CACNA1G: variants seen among roughly 807,000 people sequenced by gnomAD.
CACNA1G encodes voltage-dependent T-type calcium channel subunit alpha-1G.
In CACNA1G, 67 loss-of-function variants were observed where a neutral mutation model predicts 219.4. The observed-to-expected ratio is 0.31, with a 90% CI of 0.25 to 0.37. CACNA1G has a LOEUF of 0.37. Among genes scored for constraint, CACNA1G ranks in the 10% least tolerant of loss-of-function variants. The pLI is 1.00. For synonymous variants in CACNA1G, 1,296 were observed against 1,345.3 expected (o/e 0.96, Z 0.80); for missense variants, 2,380 against 3,231.4 (o/e 0.74, Z 6.39).
At position 50,607,864 on chromosome 17, in the gene CACNA1G, TC is replaced by T. The variant is rs1173187834; in HGVS notation, c.4551del (p.Phe1517LeufsTer13). The T allele has an allele frequency of 6.2e-7, 1 of 1,614,030 alleles. No homozygotes were observed. Among genetic ancestry groups the T allele is most frequent in the Non-Finnish European group, 8.5e-7 (1 of 1,179,908 alleles). ...MNHNPWMLLY[F>X]ISFLLIVAFF... The stretch of plus-strand genomic sequence containing the variant: ...CACAACCCCTGGATGCTGCTGTACT[TC>T]ATCTCGTTCCTGCTCATTGTGGCCT... On this transcript the variant is annotated frameshift_variant, in exon 25 of 38. Transcript: ENST00000359106. LOFTEE classifies it high-confidence loss of function.
intron 9 of CACNA1G, among the ~76,000 whole-genome samples, chr17:50,581,033 G>A (rs1246071160): frequency 8.6e-5 from 13 of 151,260 alleles, no homozygotes; most frequent in Non-Finnish European, 1.8e-4. Flanking sequence ...GGGGAATGGG[G>A]ACACAGAGGG....
chr17:50,602,779 G>GGGCTTCCT (rs1325545653), intron 19 of CACNA1G, 41 bp from the exon 20 acceptor site: 1 of 1,598,236 alleles, frequency 6.3e-7, no homozygotes, highest in Non-Finnish European at 8.6e-7. Flanking sequence ...CCAAGGGTGG[G>GGGCTTCCT]GGCTTCCTGG....
chr17:50,624,178 G>A (rs771654997), intron 36 of CACNA1G, 103 bp downstream of exon 36: 28 of 1,435,676 alleles, frequency 2.0e-5, no homozygotes, highest in Middle Eastern at 2.2e-4. Context: ...CAGCCAAAGA[G>A]GTATCTCTGA....
rs537502515 is a variant in CACNA1G at position 50,597,000 on chromosome 17, C to T, written c.3258+77C>T. 130 of 1,340,760 alleles carry T rather than the reference C, an allele frequency of 9.7e-5. 3 individuals are homozygous for T. Among genetic ancestry groups the T allele is most frequent in the East Asian group, 8.4e-4 (33 of 39,468 alleles). 83.1% of individuals were successfully genotyped at this position (1,340,760 alleles called of 1,614,324 possible). On this transcript the variant is annotated intron_variant, in intron 16 of 37. Coordinates refer to ENST00000359106, the MANE Select transcript of CACNA1G (RefSeq NM_018896.5). The surrounding 1 kb of genome is among the most constrained non-coding windows in gnomAD (Gnocchi z 4.8). Reference sequence around the variant, plus strand: ...AGGAGGAAGAGAGGATGGAGGCAGGCGGGTCCAAGGGCACAGCCCCTGCCC... The same window carrying T: ...AGGAGGAAGAGAGGATGGAGGCAGGTGGGTCCAAGGGCACAGCCCCTGCCC...
Position 50,616,277 on chromosome 17 carries a change from T to A in CACNA1G, c.4914T>A (p.Ile1638=). The A allele has an allele frequency of 6.2e-7, 1 of 1,607,398 alleles. No individual in the cohort carries two copies. The highest frequency in any genetic ancestry group is 8.5e-7 in the Non-Finnish European group (1 of 1,173,956). Residue 1638 remains isoleucine, a splice_region_variant and synonymous_variant, in exon 28 of 38, where the codon ATT becomes ATA. Transcript: ENST00000359106. ...MAMEHYQQPQ[I]LDEALKICNY... ...CATCTTGCCCCCATCCCTGCCAGAT[T>A]CTGGATGAGGCTCTGAAGATCTGCA...
In CACNA1G at chr17:50,575,995, G is replaced by T; in HGVS notation, c.1593G>T (p.Arg531=). Residue 531 remains arginine (R), a synonymous_variant, in exon 8 of 38, where the codon CGG becomes CGT. Coordinates refer to ENST00000359106, the MANE Select transcript of CACNA1G (RefSeq NM_018896.5). ...ACAGGGATGCCAATGGGTCCCGCCG[G>T]CTCATGCTGCCACCACCCTCGACGC... ...IQDRDANGSR[R]LMLPPPSTPA... is the part of the protein sequence containing the mutation. The T allele has an allele frequency of 6.4e-7, 1 of 1,554,886 alleles. No homozygotes were observed. The highest frequency in any genetic ancestry group is 8.7e-7 in the Non-Finnish European group (1 of 1,149,716).
Position 50,575,982 on chromosome 17 carries a change from A to G in CACNA1G, c.1580A>G (p.Asn527Ser), listed in dbSNP as rs191277623. ...CCGGAGATCCAGGACAGGGATGCCA[A>G]TGGGTCCCGCCGGCTCATGCTGCCA... ...ASPEIQDRDA[N>S]GSRRLMLPPP... is the part of the protein sequence containing the mutation. The change falls in exon 8 of 38, where the codon AAT (asparagine) becomes AGT (serine). Residue 527 changes from asparagine (N) to serine (S), a missense_variant. Coordinates refer to ENST00000359106, the MANE Select transcript of CACNA1G (RefSeq NM_018896.5). 3 of 1,553,154 alleles carry G rather than the reference A, an allele frequency of 1.9e-6. No homozygotes were observed. The highest frequency in any genetic ancestry group is 1.4e-5 in the African/African-American group (1 of 73,254).
intron 1 of CACNA1G, 43 bp from the exon 2 acceptor site, chr17:50,568,827 C>T (rs2144620913): frequency 3.9e-6 from 6 of 1,547,298 alleles, no homozygotes; most frequent in Non-Finnish European, 5.4e-6. Context: ...GGGGGCCGGC[C>T]TCAGCTCCAG....
intron 26 of CACNA1G, among the ~76,000 whole-genome samples, chr17:50,614,805 C>T (rs994918245): frequency 2.6e-5 from 4 of 152,238 alleles, no homozygotes; most frequent in Admixed American, 1.3e-4. Flanking sequence ...GCCCAGGCCC[C>T]GCCTTCTGGA....
intron 36 of CACNA1G, 118 bp downstream of exon 36, chr17:50,624,193 A>AG: frequency 7.4e-7 from 1 of 1,351,300 alleles, no homozygotes; most frequent in Non-Finnish European, 1.0e-6. Flanking sequence ...CTCTGACCTC[A>AG]GGGGAGCCTC....
intron 7 of CACNA1G, among the ~76,000 whole-genome samples, chr17:50,574,969 G>T (rs539895338): frequency 2.0e-5 from 3 of 152,104 alleles, no homozygotes; most frequent in Non-Finnish European, 4.4e-5. Flanking sequence ...CAAGGCCAAT[G>T]GTCCCTGTTT....
At chr17:50,567,287 T>C (rs1312508937) in intron 1 of CACNA1G, among the ~76,000 whole-genome samples, 1 of 152,162 alleles carries the variant, frequency 6.6e-6, no homozygotes. Context: ...TTAGGGAAAC[T>C]GCAGTGCATT....
At chr17:50,610,294 G>A (rs556703076) in intron 26 of CACNA1G, among the ~76,000 whole-genome samples, 31 of 152,302 alleles carry the variant, frequency 2.0e-4, no homozygotes, top group African/African-American at 7.5e-4. Flanking sequence ...TTTGTCTGAG[G>A]GGAGACTTTG....
At position 50,599,875 on chromosome 17, in the gene CACNA1G, GCA is replaced by G. The variant is rs1286555051; in HGVS notation, c.3690+19_3690+20del. 1.3e-6 allele frequency: 2 copies of G among 1,599,040 alleles called. No homozygotes were observed. The highest frequency in any genetic ancestry group is 1.3e-5 in the African/African-American group (1 of 74,848). The stretch of plus-strand genomic sequence containing the variant: ...GGGCAACCTGGTGAGGCCCCTGTGG[GCA>G]CAGTGACCCCTCACCCCTGACCTTG... On this transcript the variant is annotated intron_variant, in intron 17 of 37. Transcript: ENST00000359106.
Position 50,575,813 on chromosome 17 carries a change from C to A in CACNA1G, c.1411C>A (p.Leu471Ile). 2 of 1,551,442 alleles carry A rather than the reference C, an allele frequency of 1.3e-6. No individual in the cohort carries two copies. Among genetic ancestry groups the A allele is most frequent in the Non-Finnish European group, 1.7e-6 (2 of 1,147,634 alleles). The change falls in exon 8 of 38, where the codon CTC becomes ATC. Residue 471 changes from leucine to isoleucine, a missense_variant. Around this residue, in one of 17 missense-constraint regions of CACNA1G, gnomAD observed 434 missense variants for 417.3 expected, o/e 1.04. Coordinates refer to ENST00000359106, the MANE Select transcript of CACNA1G (RefSeq NM_018896.5). ...TGGGCTGCTCAGCAGCCCAGCACCC[C>A]TCGGGGGCCAGGAGACCCAGCCCAG... The part of the protein sequence containing the change: ...RVGLLSSPAP[L>I]GGQETQPSSS...
At chr17:50,619,200 G>A (rs890266403) in intron 33 of CACNA1G, among the ~76,000 whole-genome samples, 192 bp downstream of exon 33, 1 of 152,112 alleles carries the variant, frequency 6.6e-6, no homozygotes, top group African/African-American at 2.4e-5. Context: ...ACCCCACAGG[G>A]CCACCCCAGC....
intron 37 of CACNA1G, 33 bp downstream of exon 37, chr17:50,624,562 G>A (rs2053175934): frequency 1.3e-6 from 2 of 1,539,670 alleles, no homozygotes; most frequent in South Asian, 1.2e-5. Flanking sequence ...GCACAGGCCT[G>A]GGGGCTGGAC....
chr17:50,608,058 C>T lies in CACNA1G; in HGVS notation c.4705+39C>T, dbSNP rs1379822720. On this transcript the variant is annotated intron_variant, in intron 25 of 37. Coordinates refer to ENST00000359106, the MANE Select transcript of CACNA1G (RefSeq NM_018896.5). ...GATGGCTGGTCGGTAGTCTTTCCAC[C>T]TCTCTCTGGGTCGTGCTTGACCTTG... 4 of 1,556,434 alleles carry T rather than the reference C, an allele frequency of 2.6e-6. 1 individual carries two copies. The Admixed American group carries it at 7.6e-5, about 30-fold the overall frequency.
intron 33 of CACNA1G, 61 bp downstream of exon 33, chr17:50,619,069 G>C (rs2051150403): frequency 7.5e-7 from 1 of 1,341,316 alleles, no homozygotes. Context: ...TGTGGAGGGT[G>C]GTGGGCGGGA....
Sources: gnomAD v4.1 joint callset for allele counts (sites outside exome capture counted in the v4.1 genomes callset) on GRCh38, gnomAD v4.1.1 for gene constraint, gnomAD v4.1.1 regional missense constraint, Gnocchi (gnomAD v3.1) non-coding constraint, MANE v1.5 for transcripts, NCBI Gene and HGNC (gene_info 2026-07-23, HGNC 2026-07-21) for gene names.